Variants in KCNH7 observed in about 807,000 individuals in gnomAD.
KCNH7 encodes the protein potassium voltage-gated channel subfamily H member 7.
Under a neutral mutation model 120.8 loss-of-function variants are expected in KCNH7, and 49 were observed. That is an observed-to-expected ratio of 0.41 (90% CI 0.32 to 0.51). The LOEUF is 0.51. KCNH7 is among the 20% of genes least tolerant of loss of function. The pLI is 0.38. For missense variants in KCNH7, 1,097 were observed against 1,446.6 expected, an observed-to-expected ratio of 0.76 and a Z score of 3.92; for synonymous variants, 547 against 516.1, an observed-to-expected ratio of 1.06 and a Z score of -0.81.
intron 3 of KCNH7, among the ~76,000 whole-genome samples, chr2:162,530,387 T>A (rs1268079053): frequency 6.6e-6 from 1 of 151,992 alleles, no homozygotes; most frequent in Non-Finnish European, 1.5e-5. Context: ...AAGTAACATC[T>A]TCCCAAACAC....
chr2:162,687,649 T>TC (rs1446546795), intron 2 of KCNH7, among the ~76,000 whole-genome samples: 1 of 151,910 alleles, frequency 6.6e-6, no homozygotes, highest in Non-Finnish European at 1.5e-5. Flanking sequence ...AAATCACAAC[T>TC]CCCCCTGCCC....
chr2:162,567,633 T>C (rs969091055), intron 2 of KCNH7, among the ~76,000 whole-genome samples: 2 of 152,040 alleles, frequency 1.3e-5, no homozygotes, highest in African/African-American at 2.4e-5. Flanking sequence ...TTTTCTAGAC[T>C]GCAGGCTTTA....
At chr2:162,452,749 C>T (rs1481697695) in intron 6 of KCNH7, among the ~76,000 whole-genome samples, 2 of 152,038 alleles carry the variant, frequency 1.3e-5, no homozygotes, top group African/African-American at 2.4e-5. Context: ...CATATTAAAC[C>T]TTCAAGCTTT....
chr2:162,606,587 GCTTATAAATGTGAAAATC>G (rs1198531961), intron 2 of KCNH7, among the ~76,000 whole-genome samples: 1 of 152,062 alleles, frequency 6.6e-6, no homozygotes, highest in Admixed American at 6.6e-5. Flanking sequence ...AATACAAATG[GCTTATAAATGTGAAAATC>G]CTTCCACCTC....
chr2:162,599,710 T>C (rs1225626694), intron 2 of KCNH7, among the ~76,000 whole-genome samples: 1 of 152,050 alleles, frequency 6.6e-6, no homozygotes, highest in East Asian at 1.9e-4. Flanking sequence ...TATTACTTAA[T>C]GATTAATCTA....
At position 162,419,274 on chromosome 2, in the gene KCNH7, T is replaced by TAAAAAA. The variant is rs758417385; in HGVS notation, c.2154+4056_2154+4061dup. Among the ~76,000 whole-genome samples the TAAAAAA allele has an allele frequency of 1.3e-3, 80 of 61,874 alleles. 1 individual carries two copies. Among genetic ancestry groups the TAAAAAA allele is most frequent in the African/African-American group, 4.4e-3 (74 of 16,842 alleles). 40.6% of individuals were successfully genotyped at this position (61,874 alleles called of 152,430 possible). On this transcript the variant is annotated intron_variant, in intron 9 of 15. Transcript: ENST00000332142. ...AATTTCCTCCATTAATGTCCCAGGC[T>TAAAAAA]AAAAAAAAAAAAAAAAAAAAAAAGC...
intron 2 of KCNH7, among the ~76,000 whole-genome samples, chr2:162,549,556 C>A (rs1156464463): frequency 6.6e-6 from 1 of 152,098 alleles, no homozygotes; most frequent in Non-Finnish European, 1.5e-5. Context: ...CTATGGTAAG[C>A]CACTGGGAGA....
At chr2:162,508,502 C>T (rs1411878588) in intron 5 of KCNH7, among the ~76,000 whole-genome samples, 5 of 151,394 alleles carry the variant, frequency 3.3e-5, no homozygotes, top group East Asian at 1.9e-4. Context: ...CTTCTTTCTA[C>T]GGATTTTAAA....
chr2:162,525,917 TC>T (rs2105802292), intron 3 of KCNH7, among the ~76,000 whole-genome samples: 1 of 151,890 alleles, frequency 6.6e-6, no homozygotes, highest in African/African-American at 2.4e-5. Context: ...TTCATTAACA[TC>T]CATGTTAATG....
In KCNH7 at chr2:162,670,209, A is replaced by G. The variant is rs1172536412; in HGVS notation, c.308-133129T>C. Among the ~76,000 whole-genome samples, 5 of 152,100 alleles carry G rather than the reference A, an allele frequency of 3.3e-5. 1 individual carries two copies. The South Asian group carries it at 1.0e-3, about 32-fold the overall frequency. ...TCCAGTTGGTCAGGCATGGTAGCTC[A>G]TGCCTGTAATTGCAGCACTTTGGGA... On this transcript the variant is annotated intron_variant, in intron 2 of 15. Coordinates refer to ENST00000332142, the MANE Select transcript of KCNH7 (RefSeq NM_033272.4).
intron 6 of KCNH7, among the ~76,000 whole-genome samples, chr2:162,458,199 C>T (rs1322430615): frequency 2.0e-5 from 3 of 151,418 alleles, no homozygotes; most frequent in Admixed American, 1.3e-4. Context: ...AAGTGTTTAG[C>T]ATTTTGTTTT....
intron 6 of KCNH7, among the ~76,000 whole-genome samples, chr2:162,474,137 C>T (rs1298805397): frequency 6.6e-6 from 1 of 152,178 alleles, no homozygotes; most frequent in Non-Finnish European, 1.5e-5. Flanking sequence ...ATTACCATTT[C>T]AGGTTTCAAT....
chr2:162,564,946 G>C (rs1693201358), intron 2 of KCNH7, among the ~76,000 whole-genome samples: 1 of 152,006 alleles, frequency 6.6e-6, no homozygotes, highest in African/African-American at 2.4e-5. Context: ...CATGTTATTG[G>C]GAGCCATTTT....
In KCNH7 at chr2:162,647,243, C is replaced by A. The variant is rs16847070; in HGVS notation, c.308-110163G>T. Among the ~76,000 whole-genome samples, 690 of 152,306 alleles carry A rather than the reference C, an allele frequency of 4.5e-3. 10 individuals are homozygous for A. The highest frequency in any genetic ancestry group is 0.016 in the African/African-American group (657 of 41,560). On this transcript the variant is annotated intron_variant, in intron 2 of 15. Coordinates refer to ENST00000332142, the MANE Select transcript of KCNH7 (RefSeq NM_033272.4). ...CCCAGGGTTGCCGCAGTCTCCTAAA[C>A]TAACTCAACCAGGGCTCTGACGTGT...
chr2:162,531,428 G>A (rs1691921870), intron 3 of KCNH7, among the ~76,000 whole-genome samples: 1 of 151,888 alleles, frequency 6.6e-6, no homozygotes, highest in Non-Finnish European at 1.5e-5. Flanking sequence ...GAAAATATGA[G>A]AATTTGAGAA....
At chr2:162,789,650 C>G (rs2105514648) in intron 2 of KCNH7, among the ~76,000 whole-genome samples, 1 of 151,872 alleles carries the variant, frequency 6.6e-6, no homozygotes, top group East Asian at 1.9e-4. Flanking sequence ...GAAATCATGT[C>G]TAGGATCTTT....
chr2:162,751,397 C>T (rs1688544736), intron 2 of KCNH7, among the ~76,000 whole-genome samples: 1 of 152,078 alleles, frequency 6.6e-6, no homozygotes, highest in Non-Finnish European at 1.5e-5. Flanking sequence ...ACTAGCTTTT[C>T]TCCTACTGTC....
At chr2:162,676,058 G>A (rs562580359) in intron 2 of KCNH7, among the ~76,000 whole-genome samples, 1 of 151,566 alleles carries the variant, frequency 6.6e-6, no homozygotes, top group South Asian at 2.1e-4. Context: ...AGAAGGCAGT[G>A]CTGAACCTTC....
At chr2:162,796,096 A>C (rs1013691048) in intron 2 of KCNH7, 21 of 152,060 alleles carry the variant, frequency 1.4e-4, no homozygotes, top group African/African-American at 4.8e-4. Context: ...TTAAATGAAA[A>C]GTTGTTTACA....
Sources: gnomAD v4.1 joint callset for allele counts (sites outside exome capture counted in the v4.1 genomes callset) on GRCh38, gnomAD v4.1.1 for gene constraint, MANE v1.5 for transcripts, NCBI Gene and HGNC (gene_info 2026-07-23, HGNC 2026-07-21) for gene names.